The following MEF2C variants were observed in gnomAD, a reference collection of about 807,000 sequenced individuals.
The protein encoded by MEF2C is myocyte-specific enhancer factor 2C.
Under a neutral mutation model 50.5 loss-of-function variants are expected in MEF2C, and 6 were observed. That is an observed-to-expected ratio of 0.12 (90% CI 0.07 to 0.23). MEF2C has a LOEUF of 0.23. Ranked by LOEUF, MEF2C falls within the 10% of genes least tolerant of loss-of-function variation. The pLI, the probability that MEF2C is intolerant of heterozygous loss-of-function variation, is 1.00. For synonymous variants in MEF2C, 183 were observed against 228.0 expected (o/e 0.80, Z 1.78); for missense variants, 276 against 605.0 (o/e 0.46, Z 5.70).
chr5:88,846,669 A>G (rs1436943938), intron 1 of MEF2C, among the ~76,000 whole-genome samples: 1 of 152,194 alleles, frequency 6.6e-6, no homozygotes, highest in African/African-American at 2.4e-5. Flanking sequence ...TAATGGCCAT[A>G]TTCAGTATGT....
intron 2 of MEF2C, among the ~76,000 whole-genome samples, chr5:88,823,495 A>G (rs911501841): frequency 2.0e-5 from 3 of 151,866 alleles, no homozygotes; most frequent in African/African-American, 7.2e-5. Context: ...TCCCATTTCA[A>G]ATTTGTGTTG....
chr5:88,763,022 T>C (rs1778534554), intron 3 of MEF2C, among the ~76,000 whole-genome samples: 3 of 152,256 alleles, frequency 2.0e-5, no homozygotes, highest in Admixed American at 2.0e-4. Flanking sequence ...AATTAGTTTC[T>C]GAGGCACTGA....
At chr5:88,789,901 A>G (rs1430040508) in intron 3 of MEF2C, among the ~76,000 whole-genome samples, 7 of 152,236 alleles carry the variant, frequency 4.6e-5, no homozygotes, top group Admixed American at 1.3e-4. Context: ...ACTTTGATTA[A>G]GTCTTTTCCC....
intron 1 of MEF2C, among the ~76,000 whole-genome samples, chr5:88,857,614 A>C (rs1453647488): frequency 6.6e-6 from 1 of 152,150 alleles, no homozygotes; most frequent in Non-Finnish European, 1.5e-5. Flanking sequence ...GAGATAATTA[A>C]ATCATGGGGG....
In MEF2C at chr5:88,731,764, T is replaced by C. The variant is rs759108180; in HGVS notation, c.775A>G (p.Ile259Val). 8 of 1,613,278 alleles carry C rather than the reference T, an allele frequency of 5.0e-6. No homozygotes were observed. Among genetic ancestry groups the C allele is most frequent in the Non-Finnish European group, 6.8e-6 (8 of 1,179,460 alleles). The stretch of plus-strand genomic sequence containing the variant: ...ATCGTATTCTTGCTGCCTGGTGGAA[T>C]AAGAACTCGGAGATCTGGTTTACGG... ...NNRKPDLRVLIPPGSKNTMPS... is the reference protein window; with the variant it reads ...NNRKPDLRVLVPPGSKNTMPS... The change falls in exon 7 of 11, where the codon ATT (isoleucine) becomes GTT (valine). Residue 259 changes from isoleucine (I) to valine (V), a missense_variant. By Grantham distance (29) the Ile-to-Val change is conservative. Transcript: ENST00000504921.
intron 1 of MEF2C, among the ~76,000 whole-genome samples, chr5:88,897,724 C>T (rs561994334): frequency 5.3e-4 from 80 of 152,256 alleles, no homozygotes; most frequent in Admixed American, 2.0e-3. Context: ...GCAGACAATA[C>T]ATTTTAAAAG....
At chr5:88,790,835 T>A (rs1380947544) in intron 3 of MEF2C, among the ~76,000 whole-genome samples, 1 of 152,162 alleles carries the variant, frequency 6.6e-6, no homozygotes, top group African/African-American at 2.4e-5. Flanking sequence ...GGTACAGAGA[T>A]GAACAAAGCT....
intron 2 of MEF2C, among the ~76,000 whole-genome samples, chr5:88,821,223 T>C (rs932010039): frequency 6.6e-6 from 1 of 151,922 alleles, no homozygotes; most frequent in Non-Finnish European, 1.5e-5. Context: ...AGAAAAGATA[T>C]TCAATTATTA....
chr5:88,752,329 A>G (rs1773205812), intron 4 of MEF2C, among the ~76,000 whole-genome samples: 1 of 152,214 alleles, frequency 6.6e-6, no homozygotes, highest in Non-Finnish European at 1.5e-5. Flanking sequence ...ATTAAGTAGT[A>G]ATTGTTCATT....
At chr5:88,802,563 C>T (rs1277879368) in intron 3 of MEF2C, among the ~76,000 whole-genome samples, 1 of 152,232 alleles carries the variant, frequency 6.6e-6, no homozygotes, top group Non-Finnish European at 1.5e-5. Flanking sequence ...CTTCCCCCTT[C>T]AGCCCCCCAG....
intron 3 of MEF2C, among the ~76,000 whole-genome samples, chr5:88,801,764 G>A (rs534829500): frequency 6.6e-6 from 1 of 152,136 alleles, no homozygotes; most frequent in East Asian, 1.9e-4. Flanking sequence ...GGGATTACAG[G>A]TGTGAGTCAC....
intron 3 of MEF2C, among the ~76,000 whole-genome samples, chr5:88,782,712 A>T (rs1250485947): frequency 6.6e-6 from 1 of 152,202 alleles, no homozygotes; most frequent in Non-Finnish European, 1.5e-5. Context: ...ACATATACAT[A>T]CTTACAAAAC....
intron 1 of MEF2C, chr5:88,880,899 CA>C (rs1448632171): frequency 6.6e-6 from 1 of 151,858 alleles, no homozygotes; most frequent in African/African-American, 2.4e-5. Context: ...AAATAAAAAA[CA>C]AATTAACATT....
At chr5:88,764,489 G>C (rs1779120565) in intron 3 of MEF2C, among the ~76,000 whole-genome samples, 1 of 152,066 alleles carries the variant, frequency 6.6e-6, no homozygotes, top group Non-Finnish European at 1.5e-5. Flanking sequence ...TGTAACTATA[G>C]TTAGGACACT....
intron 6 of MEF2C, among the ~76,000 whole-genome samples, chr5:88,745,280 T>C (rs1050555012): frequency 6.6e-6 from 1 of 152,220 alleles, no homozygotes; most frequent in African/African-American, 2.4e-5. Context: ...GTTGCAATCA[T>C]AATGCAATGA....
rs58067208 is a variant in MEF2C, at chr5:88,768,396, T to A, written c.259-7068A>T. ...TGTCTGGCTGGCTGGAGGCAAAGGCTGTAGTAGGGTCCAGACCCCTTGATA... is the reference window on the plus strand; with the variant it reads ...TGTCTGGCTGGCTGGAGGCAAAGGCAGTAGTAGGGTCCAGACCCCTTGATA... On this transcript the variant is annotated intron_variant, in intron 3 of 10. Coordinates refer to ENST00000504921, the MANE Select transcript of MEF2C (RefSeq NM_002397.5). Among the ~76,000 whole-genome samples the A allele has an allele frequency of 5.5e-3, 841 of 152,318 alleles. 6 individuals are homozygous for A. The highest frequency in any genetic ancestry group is 0.019 in the African/African-American group (803 of 41,562).
At chr5:88,851,029 G>T (rs984987727) in intron 1 of MEF2C, among the ~76,000 whole-genome samples, 1 of 151,836 alleles carries the variant, frequency 6.6e-6, no homozygotes, top group African/African-American at 2.4e-5. Context: ...TTGTAAGAAT[G>T]CAGTATATTC....
chr5:88,882,573 A>C (rs2150121690), intron 1 of MEF2C, among the ~76,000 whole-genome samples: 1 of 152,278 alleles, frequency 6.6e-6, no homozygotes, highest in South Asian at 2.1e-4. Flanking sequence ...CTAACTGCTA[A>C]ATCTTAAGGC....
intron 1 of MEF2C, among the ~76,000 whole-genome samples, chr5:88,848,886 C>T (rs556569734): frequency 4.4e-4 from 67 of 152,202 alleles, no homozygotes; most frequent in African/African-American, 1.5e-3. Flanking sequence ...GGCGTGGTGG[C>T]TAACGCATGT....
Sources: allele counts gnomAD v4.1 joint callset (sites outside exome capture counted in the v4.1 genomes callset), GRCh38; gene constraint gnomAD v4.1.1; transcripts MANE v1.5; gene names NCBI Gene and HGNC (gene_info 2026-07-23, HGNC 2026-07-21).